KIFBP: variants seen among roughly 807,000 people sequenced by gnomAD.
KIFBP encodes the protein KIF-binding protein.
A neutral mutation model predicts 58.9 loss-of-function variants in KIFBP; 46 were observed. The ratio of observed to expected loss-of-function variants is 0.78; its 90% CI spans 0.62 to 1.00. The LOEUF is 1.00. KIFBP is among the 50% of genes least tolerant of loss of function. The pLI is 0.00. For missense variants in KIFBP, 651 were observed against 752.9 expected, an observed-to-expected ratio of 0.86 and a Z score of 1.58; for synonymous variants, 241 against 283.4, an observed-to-expected ratio of 0.85 and a Z score of 1.50.
chr10:69,000,626 C>A, intron 2 of KIFBP, 104 bp downstream of exon 2: 1 of 809,376 alleles, frequency 1.2e-6, no homozygotes. Context: ...TCACTGTGCC[C>A]TAGAACTTCT....
Position 69,015,916 on chromosome 10 carries a change from C to T in KIFBP, c.1366C>T (p.Pro456Ser). 2 of 1,614,154 alleles carry T rather than the reference C, an allele frequency of 1.2e-6. No homozygotes were observed. Among genetic ancestry groups the T allele is most frequent in the Non-Finnish European group, 1.7e-6 (2 of 1,180,036 alleles). Residue 456 changes from proline to serine, a missense_variant, in exon 7 of 7, where the codon CCC (proline) becomes TCC (serine). Physicochemically the swap from Pro to Ser is moderately conservative, Grantham distance 74 (BLOSUM62 -1). Coordinates refer to ENST00000361983, the MANE Select transcript of KIFBP (RefSeq NM_015634.4). ...TAAACGCAGAATAGCCATGCTAGAG[C>T]CCCTAACTGTAGACCTGAATCCACA... Reference protein sequence around the residue: ...MHKRRIAMLEPLTVDLNPQYY... With the variant: ...MHKRRIAMLESLTVDLNPQYY...
intron 5 of KIFBP, among the ~76,000 whole-genome samples, chr10:69,009,134 C>G (rs1211152129): frequency 2.6e-5 from 4 of 151,790 alleles, no homozygotes; most frequent in Non-Finnish European, 5.9e-5. Context: ...GCTCTTTTAC[C>G]CTTTCATACT....
intron 1 of KIFBP, among the ~76,000 whole-genome samples, chr10:68,992,237 A>G (rs1589293252): frequency 6.6e-6 from 1 of 151,868 alleles, no homozygotes; most frequent in African/African-American, 2.4e-5. Context: ...AGGCAATTCT[A>G]CCCACCCCAG....
At chr10:69,010,137 C>T (rs1251086528) in intron 5 of KIFBP, among the ~76,000 whole-genome samples, 2 of 152,066 alleles carry the variant, frequency 1.3e-5, no homozygotes, top group Non-Finnish European at 1.5e-5. Context: ...TTTTACTCTT[C>T]ATAATAGCTG....
At chr10:69,008,392 ATATATATAT>A (rs1481280848) in intron 4 of KIFBP, among the ~76,000 whole-genome samples, 3 of 36,688 alleles carry the variant, frequency 8.2e-5, no homozygotes, top group Admixed American at 6.0e-4. Context: ...AAAAAAAAAA[ATATATATAT>A]ATATATATAT....
chr10:68,994,177 C>A (rs546356268), intron 1 of KIFBP, among the ~76,000 whole-genome samples: 4 of 151,490 alleles, frequency 2.6e-5, no homozygotes, highest in Admixed American at 2.0e-4. Context: ...CAGAGTAAGA[C>A]CCTGTCTCAG....
chr10:69,016,960 C>G lies in KIFBP; in HGVS notation c.*544C>G, dbSNP rs1418332745. 6.5e-6 allele frequency: 1 copy of G among 152,760 alleles called. No homozygotes were observed. The highest frequency in any genetic ancestry group is 1.5e-5 in the Non-Finnish European group (1 of 68,538). 9.5% of individuals were successfully genotyped at this position (152,760 alleles called of 1,614,324 possible). On this transcript the variant is annotated 3_prime_UTR_variant, in exon 7 of 7. Transcript: ENST00000361983. ...AAGGCCTTGTTAGAAATAAAATAAA[C>G]TGACTTATTTCACTAATGAAAACTT...
intron 6 of KIFBP, 79 bp downstream of exon 6, chr10:69,011,094 A>G: frequency 3.3e-6 from 3 of 912,032 alleles, no homozygotes; most frequent in Non-Finnish European, 5.5e-6. Context: ...GATTGTGCTC[A>G]TTGGGGTCAC....
At chr10:69,000,663 C>T (rs1564635703) in intron 2 of KIFBP, 141 bp downstream of exon 2, 2 of 678,366 alleles carry the variant, frequency 2.9e-6, no homozygotes, top group East Asian at 5.3e-5. Context: ...GAAGTCACCT[C>T]ATAGCTGAAA....
At chr10:69,000,077 A>G (rs1345311671) in intron 1 of KIFBP, among the ~76,000 whole-genome samples, 3 of 151,450 alleles carry the variant, frequency 2.0e-5, no homozygotes, top group Non-Finnish European at 4.4e-5. Context: ...CAGGCAATAG[A>G]TAGCATCCAA....
intron 2 of KIFBP, among the ~76,000 whole-genome samples, chr10:69,003,287 C>T (rs1843491897): frequency 6.6e-6 from 1 of 152,104 alleles, no homozygotes; most frequent in South Asian, 2.1e-4. Context: ...GCATGGTAAG[C>T]AGCCCTCGGA....
chr10:68,998,386 A>G (rs1360501152), intron 1 of KIFBP, among the ~76,000 whole-genome samples: 2 of 152,190 alleles, frequency 1.3e-5, no homozygotes, highest in Non-Finnish European at 2.9e-5. Context: ...ATATCTGCAA[A>G]CTAGCATAAT....
At chr10:69,008,391 A>AAAAAAAATATATATATATATATAT in intron 4 of KIFBP, among the ~76,000 whole-genome samples, 1 of 71,612 alleles carries the variant, frequency 1.4e-5, no homozygotes, top group African/African-American at 7.8e-5. Flanking sequence ...AAAAAAAAAA[A>AAAAAAAATATATATATATATATAT]ATATATATAT....
chr10:69,009,576 A>G (rs1843570371), intron 5 of KIFBP, among the ~76,000 whole-genome samples: 1 of 152,086 alleles, frequency 6.6e-6, no homozygotes, highest in Non-Finnish European at 1.5e-5. Context: ...TAGGCCAGTT[A>G]TTTCATAGAA....
rs41279644 is a variant in KIFBP at position 69,016,311 on chromosome 10, T to C, written c.1761T>C (p.Pro587=). Residue 587 remains proline (P), a synonymous_variant, in exon 7 of 7, where the codon CCT becomes CCC. Transcript: ENST00000361983. ...TTGTTGATTACTGTGAAAAGCATCC[T>C]GAGGCCGCCCAGGAAATAGAAGTTG... ...KFIVDYCEKH[P]EAAQEIEVEL... is the part of the protein sequence containing the mutation. 6.0e-3 allele frequency: 9,709 copies of C among 1,608,528 alleles called. 45 individuals carry two copies. Among genetic ancestry groups the C allele is most frequent in the Non-Finnish European group, 6.4e-3 (7,533 of 1,177,758 alleles).
At chr10:69,014,480 T>C (rs1220857547) in intron 6 of KIFBP, among the ~76,000 whole-genome samples, 1 of 151,494 alleles carries the variant, frequency 6.6e-6, no homozygotes, top group African/African-American at 2.4e-5. Flanking sequence ...GGAGAGGGAG[T>C]GTGATATAAG....
chr10:69,010,345 C>T (rs2132116159), intron 5 of KIFBP, among the ~76,000 whole-genome samples: 1 of 152,238 alleles, frequency 6.6e-6, no homozygotes, highest in South Asian at 2.1e-4. Flanking sequence ...GATTTTTGCA[C>T]AATTATACTC....
In KIFBP at chr10:69,016,327, A is replaced by G. The variant is rs201007879; in HGVS notation, c.1777A>G (p.Ile593Val). 6.2e-7 allele frequency: 1 copy of G among 1,610,888 alleles called. No individual in the cohort carries two copies. The highest frequency in any genetic ancestry group is 8.5e-7 in the Non-Finnish European group (1 of 1,178,724). ...CEKHPEAAQE[I>V]EVELELSKEM... The stretch of plus-strand genomic sequence containing the variant: ...AAAGCATCCTGAGGCCGCCCAGGAA[A>G]TAGAAGTTGAGCTAGAACTTAGTAA... The change falls in exon 7 of 7, where the codon ATA (isoleucine) becomes GTA (valine). Residue 593 changes from isoleucine (I) to valine (V), a missense_variant. Physicochemically the swap from Ile to Val is conservative, Grantham distance 29. Coordinates refer to ENST00000361983, the MANE Select transcript of KIFBP (RefSeq NM_015634.4).
intron 2 of KIFBP, among the ~76,000 whole-genome samples, chr10:69,002,722 C>T (rs1436932754): frequency 6.6e-6 from 1 of 151,178 alleles, no homozygotes; most frequent in Non-Finnish European, 1.5e-5. Flanking sequence ...GCTGTCTCTA[C>T]AAAAACTAAA....
Sources: gnomAD v4.1 joint callset for allele counts (sites outside exome capture counted in the v4.1 genomes callset) on GRCh38, gnomAD v4.1.1 for gene constraint, MANE v1.5 for transcripts, NCBI Gene and HGNC (gene_info 2026-07-23, HGNC 2026-07-21) for gene names.